Variants in KIF17 observed in about 807,000 individuals in gnomAD.
The protein encoded by KIF17 is kinesin-like protein KIF17.
Under a neutral mutation model 96.8 loss-of-function variants are expected in KIF17, and 80 were observed. That is an observed-to-expected ratio of 0.83 (90% CI 0.69 to 1.00). The LOEUF is 1.00. Ranked by LOEUF, KIF17 falls within the 50% of genes least tolerant of loss-of-function variation. KIF17 has a pLI of 0.00. For synonymous variants in KIF17, 567 were observed against 587.5 expected (o/e 0.97, Z 0.51); for missense variants, 1,280 against 1,372.9 (o/e 0.93, Z 1.07).
At chr1:20,673,337 G>C (rs1009847575) in intron 11 of KIF17, among the ~76,000 whole-genome samples, 1 of 152,168 alleles carries the variant, frequency 6.6e-6, no homozygotes, top group East Asian at 1.9e-4. Context: ...AGAGAGGCTG[G>C]TGCACAGGGG....
chr1:20,712,573 TA>T (rs1297038724), intron 3 of KIF17, among the ~76,000 whole-genome samples: 1 of 59,772 alleles, frequency 1.7e-5, no homozygotes, highest in Non-Finnish European at 3.6e-5. Flanking sequence ...TATATATAGA[TA>T]ATATTATCTA....
Position 20,684,897 on chromosome 1 carries a change from C to T in KIF17, c.2143G>A (p.Gly715Ser). The T allele has an allele frequency of 6.3e-7, 1 of 1,597,586 alleles. No individual in the cohort carries two copies. The highest frequency in any genetic ancestry group is 1.7e-5 in the Admixed American group (1 of 57,808). ...ATGCCCACGCTCTCCCTCTTCACAC[C>T]AGCTGTGGCCGGCAGGGGCTCAGGC... is the stretch of plus-strand genomic sequence containing the variant. ...AQPEPLPATA[G>S]VKRESVGMEV... Residue 715 changes from glycine (G) to serine (S), a missense_variant, in exon 10 of 15, where the codon GGT (glycine) becomes AGT (serine). Physicochemically the swap from Gly to Ser is moderately conservative, Grantham distance 56. Transcript: ENST00000400463.
intron 3 of KIF17, 59 bp downstream of exon 3, chr1:20,713,395 G>T (rs2054516664): frequency 2.4e-6 from 3 of 1,229,796 alleles, no homozygotes; most frequent in Admixed American, 1.7e-5. Flanking sequence ...TGAGGGAGCA[G>T]CACCAATGCC....
chr1:20,682,116 A>C (rs556230386), intron 11 of KIF17, among the ~76,000 whole-genome samples: 6 of 152,110 alleles, frequency 3.9e-5, no homozygotes, highest in Admixed American at 2.0e-4. Context: ...CCACACACAC[A>C]CACAACACAT....
intron 4 of KIF17, among the ~76,000 whole-genome samples, chr1:20,706,584 C>T (rs2054345954): frequency 7.7e-6 from 1 of 129,972 alleles, no homozygotes. Flanking sequence ...GAGCAAGATT[C>T]TGTCTCAACA....
rs1227311851 is a variant in KIF17, at chr1:20,699,792, G to T, written c.1124-1304C>A. 6.6e-6 allele frequency among the ~76,000 whole-genome samples: 1 copy of T among 152,140 alleles called. No homozygotes were observed. Among genetic ancestry groups the T allele is most frequent in the East Asian group, 1.9e-4 (1 of 5,162 alleles). ...GAGGCCAGTGTGGCTGGAGGGGAGG[G>T]AGTGATGGGCAGGACAGGTGGAGAA... On this transcript the variant is annotated intron_variant, in intron 5 of 14. Transcript: ENST00000400463. The surrounding 1 kb of genome is among the most constrained non-coding windows in gnomAD (Gnocchi z 4.3).
chr1:20,712,796 A>AAAT (rs2054485311), intron 3 of KIF17, among the ~76,000 whole-genome samples: 3 of 42,702 alleles, frequency 7.0e-5, no homozygotes, highest in African/African-American at 2.2e-4. Context: ...CTATATATAA[A>AAAT]TAGATAATAT....
intron 11 of KIF17, among the ~76,000 whole-genome samples, chr1:20,676,367 A>G (rs967123215): frequency 3.9e-5 from 6 of 152,344 alleles, no homozygotes; most frequent in African/African-American, 1.4e-4. Context: ...TCACAGACCA[A>G]GAGCTAATAT....
intron 3 of KIF17, among the ~76,000 whole-genome samples, chr1:20,710,045 C>T (rs1238913617): frequency 3.3e-5 from 5 of 152,206 alleles, no homozygotes; most frequent in Admixed American, 3.3e-4. Context: ...GGACCTTCAG[C>T]CAATGACAAC....
At chr1:20,707,003 G>A (rs2054353964) in intron 4 of KIF17, among the ~76,000 whole-genome samples, 1 of 152,186 alleles carries the variant, frequency 6.6e-6, no homozygotes. Flanking sequence ...GGCTGAGGTG[G>A]GAGGGATGCT....
intron 6 of KIF17, among the ~76,000 whole-genome samples, chr1:20,696,425 G>C (rs1352622209): frequency 2.0e-5 from 3 of 152,186 alleles, no homozygotes; most frequent in African/African-American, 7.2e-5. Context: ...AGAAACCTCA[G>C]GGTTTCTTGG....
chr1:20,698,830 C>A (rs2054186627), intron 5 of KIF17, among the ~76,000 whole-genome samples: 1 of 152,100 alleles, frequency 6.6e-6, no homozygotes, highest in South Asian at 2.1e-4. Context: ...TGCCTAAGCA[C>A]CTCCCATCAA....
At chr1:20,675,170 G>A (rs1239420060) in intron 11 of KIF17, among the ~76,000 whole-genome samples, 31 of 145,732 alleles carry the variant, frequency 2.1e-4, no homozygotes, top group African/African-American at 6.9e-4. Context: ...AAAAAGGGCC[G>A]GGTGCGGTGG....
In KIF17 at chr1:20,704,653, G is replaced by A. The variant is rs370700388; in HGVS notation, c.917C>T (p.Thr306Met). The change falls in exon 5 of 15, where the codon ACG becomes ATG. Residue 306 changes from threonine (T) to methionine (M), a missense_variant. Transcript: ENST00000400463. This position sits in a 1 kb window ranked among gnomAD's most constrained non-coding sequence, Gnocchi z 6.8. The part of the protein sequence containing the change: ...LQDSLGGNTK[T>M]LMVACLSPAD... Reference sequence around the variant, plus strand: ...AGGCGACAGGCAGGCCACCATGAGCGTCTTGGTGTTGCCGCCCAGTGAGTC... The same window carrying A: ...AGGCGACAGGCAGGCCACCATGAGCATCTTGGTGTTGCCGCCCAGTGAGTC... The A allele has an allele frequency of 4.5e-5, 72 of 1,614,180 alleles. No homozygotes were observed. Among genetic ancestry groups the A allele is most frequent in the Middle Eastern group, 1.6e-4 (1 of 6,062 alleles).
At chr1:20,707,256 A>G (rs540546144) in intron 4 of KIF17, among the ~76,000 whole-genome samples, 1 of 152,192 alleles carries the variant, frequency 6.6e-6, no homozygotes, top group Non-Finnish European at 1.5e-5. Flanking sequence ...CTTTGTGCAC[A>G]CAGATGTCCA....
chr1:20,698,270 A>C (rs949326703), intron 6 of KIF17, 109 bp downstream of exon 6: 4 of 765,756 alleles, frequency 5.2e-6, no homozygotes, highest in Middle Eastern at 3.5e-4. Context: ...GACCAAACCC[A>C]CGGTGAAGGT....
chr1:20,670,473 T>C lies in KIF17; in HGVS notation c.2738A>G (p.Gln913Arg). ...AGAGGTTTTGCGGGCTGGTTTGTTC[T>C]GTGGCCCAGTTGAAACTGCTATGAG... is the stretch of plus-strand genomic sequence containing the variant. ...TSLPVVSTGP[Q>R]NKPARKTSAA... Residue 913 changes from glutamine to arginine, a missense_variant, in exon 13 of 15, where the codon CAG (glutamine) becomes CGG (arginine). Transcript: ENST00000400463. The C allele has an allele frequency of 6.2e-7, 1 of 1,614,120 alleles. No individual in the cohort carries two copies. The highest frequency in any genetic ancestry group is 1.3e-5 in the African/African-American group (1 of 75,054).
At chr1:20,690,079 C>G in intron 7 of KIF17, 109 bp downstream of exon 7, 1 of 1,225,424 alleles carries the variant, frequency 8.2e-7, no homozygotes, top group South Asian at 1.3e-5. Context: ...GAGGATAAAA[C>G]AGACCTGATC....
At chr1:20,712,078 TG>T (rs2054447248) in intron 3 of KIF17, among the ~76,000 whole-genome samples, 1 of 152,166 alleles carries the variant, frequency 6.6e-6, no homozygotes, top group Non-Finnish European at 1.5e-5. Flanking sequence ...CTGAGACCCA[TG>T]GCTCAGCTGC....
Sources: allele counts gnomAD v4.1 joint callset (sites outside exome capture counted in the v4.1 genomes callset), GRCh38; gene constraint gnomAD v4.1.1; non-coding constraint Gnocchi (gnomAD v3.1); transcripts MANE v1.5; gene names NCBI Gene and HGNC (gene_info 2026-07-23, HGNC 2026-07-21).